The following PCDH15 variants were observed in gnomAD, a reference collection of about 807,000 sequenced individuals.
PCDH15 encodes the protein protocadherin related 15.
PCDH15 carries 129 observed loss-of-function variants against 178.5 expected under a neutral mutation model. The ratio of observed to expected loss-of-function variants is 0.72; its 90% CI spans 0.63 to 0.84. The LOEUF is 0.84. Among genes scored for constraint, PCDH15 ranks in the 40% least tolerant of loss-of-function variants. The pLI is 0.00. For synonymous variants in PCDH15, 800 were observed against 732.0 expected (o/e 1.09, Z -1.50); for missense variants, 2,230 against 2,099.9 (o/e 1.06, Z -1.21).
chr10:54,715,811 C>CAAT (rs778168438), intron 1 of PCDH15, among the ~76,000 whole-genome samples: 3 of 152,238 alleles, frequency 2.0e-5, no homozygotes, highest in Non-Finnish European at 4.4e-5. Flanking sequence ...GACCTTATTA[C>CAAT]AGCAGCAGTT....
chr10:54,777,841 C>T (rs533756634), intron 1 of PCDH15, among the ~76,000 whole-genome samples: 1 of 152,096 alleles, frequency 6.6e-6, no homozygotes, highest in Non-Finnish European at 1.5e-5. Flanking sequence ...AAGCTGGAAA[C>T]GAGGGCCTCT....
intron 13 of PCDH15, among the ~76,000 whole-genome samples, chr10:54,178,440 G>T (rs1484408901): frequency 6.6e-6 from 1 of 152,038 alleles, no homozygotes; most frequent in Non-Finnish European, 1.5e-5. Flanking sequence ...AGAACCTGGG[G>T]ATGTTAATAA....
chr10:54,812,779 C>T (rs557810243), intron 3 of PCDH15, among the ~76,000 whole-genome samples: 240 of 152,026 alleles, frequency 1.6e-3, no homozygotes, highest in African/African-American at 5.4e-3. Context: ...TATTATTTTT[C>T]GTAGAGATGG....
At chr10:55,160,033 C>T (rs1728096112) in intron 2 of PCDH15, among the ~76,000 whole-genome samples, 1 of 151,628 alleles carries the variant, frequency 6.6e-6, no homozygotes, top group Non-Finnish European at 1.5e-5. Context: ...TTCTTCTACC[C>T]TTTCAATTCC....
At chr10:54,965,413 C>G (rs1327980815) in intron 2 of PCDH15, among the ~76,000 whole-genome samples, 2 of 152,066 alleles carry the variant, frequency 1.3e-5, no homozygotes, top group African/African-American at 4.8e-5. Flanking sequence ...TTCCTGCACA[C>G]ATTCTTCTGC....
intron 15 of PCDH15, among the ~76,000 whole-genome samples, chr10:54,127,469 T>C (rs2042079930): frequency 6.6e-6 from 1 of 152,154 alleles, no homozygotes; most frequent in Non-Finnish European, 1.5e-5. Flanking sequence ...AACTAAGAAT[T>C]TTATCGTAAA....
At chr10:54,739,269 A>G (rs566630852) in intron 1 of PCDH15, among the ~76,000 whole-genome samples, 1 of 152,108 alleles carries the variant, frequency 6.6e-6, no homozygotes, top group Non-Finnish European at 1.5e-5. Flanking sequence ...TCTATATTCC[A>G]GCAGTAAACA....
intron 21 of PCDH15, among the ~76,000 whole-genome samples, chr10:53,991,020 T>A (rs2091438388): frequency 6.6e-6 from 1 of 152,060 alleles, no homozygotes; most frequent in Non-Finnish European, 1.5e-5. Context: ...TGCACTCGAA[T>A]TCTCGCCAGG....
intron 1 of PCDH15, among the ~76,000 whole-genome samples, chr10:54,719,344 A>G (rs2095517650): frequency 6.6e-6 from 1 of 152,094 alleles, no homozygotes; most frequent in African/African-American, 2.4e-5. Flanking sequence ...AAAACTTAAC[A>G]AAGCCTTTGA....
intron 2 of PCDH15, among the ~76,000 whole-genome samples, chr10:55,434,797 G>T (rs1037636903): frequency 1.3e-5 from 2 of 151,868 alleles, no homozygotes; most frequent in Non-Finnish European, 2.9e-5. Flanking sequence ...GTAGAGACAG[G>T]GTTTCACCAT....
chr10:54,585,810 T>G (rs1004741213), intron 2 of PCDH15, among the ~76,000 whole-genome samples: 5 of 152,162 alleles, frequency 3.3e-5, no homozygotes, highest in African/African-American at 7.2e-5. Context: ...TATGTCTTCT[T>G]AATTGTTCAT....
intron 1 of PCDH15, among the ~76,000 whole-genome samples, chr10:55,257,440 G>T (rs1358057752): frequency 6.6e-6 from 1 of 152,110 alleles, no homozygotes; most frequent in African/African-American, 2.4e-5. Flanking sequence ...AAAGGAGGAA[G>T]TTCGAACCCA....
At chr10:54,272,427 T>G (rs2058105869) in intron 8 of PCDH15, among the ~76,000 whole-genome samples, 1 of 152,110 alleles carries the variant, frequency 6.6e-6, no homozygotes, top group Admixed American at 6.6e-5. Context: ...TTCTGGCAAT[T>G]GATGGTGAAA....
At chr10:55,060,521 T>C (rs1028006086) in intron 2 of PCDH15, among the ~76,000 whole-genome samples, 2 of 151,980 alleles carry the variant, frequency 1.3e-5, no homozygotes, top group Non-Finnish European at 2.9e-5. Context: ...CCAAGTATTA[T>C]GTATAATTAA....
At chr10:55,034,717 T>C in intron 2 of PCDH15, among the ~76,000 whole-genome samples, 1 of 152,274 alleles carries the variant, frequency 6.6e-6, no homozygotes, top group South Asian at 2.1e-4. Flanking sequence ...TGAAACACAG[T>C]AAACAGACAT....
intron 16 of PCDH15, among the ~76,000 whole-genome samples, chr10:54,085,514 G>C (rs1214028548): frequency 6.6e-6 from 1 of 152,072 alleles, no homozygotes; most frequent in Non-Finnish European, 1.5e-5. Context: ...GTACTTATTT[G>C]TGGATGATTG....
intron 1 of PCDH15, among the ~76,000 whole-genome samples, chr10:55,296,115 G>A (rs966987643): frequency 6.6e-6 from 1 of 152,124 alleles, no homozygotes; most frequent in Non-Finnish European, 1.5e-5. Context: ...GTGATGCATG[G>A]GGCAAGGTGT....
At chr10:53,850,652 T>C (rs1017850853) in intron 28 of PCDH15, among the ~76,000 whole-genome samples, 4 of 152,100 alleles carry the variant, frequency 2.6e-5, no homozygotes, top group African/African-American at 9.7e-5. Flanking sequence ...ATTTTTATGA[T>C]TGCTTTTAGT....
chr10:54,318,316 C>T (rs1024829595), intron 7 of PCDH15, among the ~76,000 whole-genome samples: 2 of 152,152 alleles, frequency 1.3e-5, no homozygotes, highest in Non-Finnish European at 2.9e-5. Flanking sequence ...TTAGTAAACA[C>T]ATCTGGTCTG....
Sources: allele counts gnomAD v4.1 joint callset (sites outside exome capture counted in the v4.1 genomes callset), GRCh38; gene constraint gnomAD v4.1.1; transcripts MANE v1.5; gene names NCBI Gene and HGNC (gene_info 2026-07-23, HGNC 2026-07-21).